The following INPP4B variants were observed in gnomAD, a reference collection of about 807,000 sequenced individuals.
INPP4B encodes inositol polyphosphate 4-phosphatase type II.
A neutral mutation model predicts 122.5 loss-of-function variants in INPP4B; 55 were observed. The observed-to-expected ratio is 0.45, with a 90% CI of 0.36 to 0.56. The LOEUF (loss-of-function observed/expected upper bound fraction) is 0.56, where lower values mean the gene tolerates loss of function less well. Among genes scored for constraint, INPP4B ranks in the 20% least tolerant of loss-of-function variants. The pLI is 0.00. For missense variants in INPP4B, 1,000 were observed against 1,097.7 expected (o/e 0.91, Z 1.26); for synonymous variants, 403 against 388.7 (o/e 1.04, Z -0.43).
intron 25 of INPP4B, among the ~76,000 whole-genome samples, chr4:142,053,991 G>A (rs1408194938): frequency 7.4e-6 from 1 of 134,410 alleles, no homozygotes; most frequent in Non-Finnish European, 1.7e-5. Flanking sequence ...GCAATTCTTA[G>A]GACACTGGGG....
rs558600603 is a variant in INPP4B at position 142,456,056 on chromosome 4, C to T, written c.-127+6607G>A. Among the ~76,000 whole-genome samples, 321 of 151,698 alleles carry T rather than the reference C, an allele frequency of 2.1e-3. 3 individuals carry two copies. Among genetic ancestry groups the T allele is most frequent in the Non-Finnish European group, 1.7e-3 (118 of 67,852 alleles). On this transcript the variant is annotated intron_variant, in intron 3 of 25. Coordinates refer to ENST00000262992, the MANE Select transcript of INPP4B (RefSeq NM_001101669.3). Reference sequence around the variant, plus strand: ...TCCTTATATATTCTGATTATTAACCCCTTGTCTGATGGGCAGTATGCAAAT... The same window carrying T: ...TCCTTATATATTCTGATTATTAACCTCTTGTCTGATGGGCAGTATGCAAAT...
chr4:142,660,226 C>T (rs190740743), intron 2 of INPP4B, among the ~76,000 whole-genome samples: 42 of 152,212 alleles, frequency 2.8e-4, no homozygotes, highest in African/African-American at 9.6e-4. Context: ...CTTTGCATGG[C>T]GAGACCTGCC....
chr4:142,072,586 A>G (rs921642900), intron 25 of INPP4B, among the ~76,000 whole-genome samples: 14 of 151,662 alleles, frequency 9.2e-5, no homozygotes, highest in Admixed American at 6.6e-5. Flanking sequence ...TGAGGACATA[A>G]CAACCATTTA....
intron 11 of INPP4B, among the ~76,000 whole-genome samples, chr4:142,241,001 A>C (rs1488660582): frequency 1.3e-5 from 2 of 152,026 alleles, no homozygotes; most frequent in Middle Eastern, 3.4e-3. Flanking sequence ...GTCAACTTTA[A>C]AAAAAAAGAT....
chr4:142,564,264 C>T (rs1000377442), intron 2 of INPP4B, among the ~76,000 whole-genome samples: 5 of 151,964 alleles, frequency 3.3e-5, no homozygotes, highest in African/African-American at 9.7e-5. Context: ...AGGCTTGGAG[C>T]AGAGAACACC....
At chr4:142,843,719 G>T (rs1049885024) in intron 1 of INPP4B, among the ~76,000 whole-genome samples, 1 of 151,956 alleles carries the variant, frequency 6.6e-6, no homozygotes, top group African/African-American at 2.4e-5. Context: ...GTTCTCAGAT[G>T]TCAAATACTT....
At chr4:142,509,723 A>G (rs185551791) in intron 2 of INPP4B, among the ~76,000 whole-genome samples, 15 of 152,360 alleles carry the variant, frequency 9.8e-5, no homozygotes, top group Non-Finnish European at 1.9e-4. Flanking sequence ...TTAAAGACTT[A>G]AATGTAAGGC....
chr4:142,646,415 C>T (rs1751788025), intron 2 of INPP4B, among the ~76,000 whole-genome samples: 1 of 152,032 alleles, frequency 6.6e-6, no homozygotes, highest in African/African-American at 2.4e-5. Context: ...CCAAAATCAG[C>T]ATAGTATCAG....
At chr4:142,619,781 A>AC (rs1213667541) in intron 2 of INPP4B, among the ~76,000 whole-genome samples, 2 of 151,908 alleles carry the variant, frequency 1.3e-5, no homozygotes, top group African/African-American at 4.8e-5. Flanking sequence ...CCACAGGAAT[A>AC]CCCCCCAAAA....
intron 9 of INPP4B, chr4:142,287,028 C>T (rs1754040516): frequency 1.3e-5 from 2 of 152,082 alleles, no homozygotes; most frequent in South Asian, 4.1e-4. Flanking sequence ...CTTTCTTAGG[C>T]TTCTTCTCAT....
At chr4:142,378,529 G>A (rs764599718) in intron 7 of INPP4B, among the ~76,000 whole-genome samples, 1 of 152,114 alleles carries the variant, frequency 6.6e-6, no homozygotes, top group Non-Finnish European at 1.5e-5. Flanking sequence ...TATTCCACAT[G>A]TATGCTAGGG....
upstream of INPP4B, chr4:142,846,419 G>T (rs945290609): frequency 6.6e-6 from 1 of 152,462 alleles, no homozygotes; most frequent in African/African-American, 2.4e-5. The surrounding 1 kb of genome is among the most constrained non-coding windows in gnomAD (Gnocchi z 5.1). Flanking sequence ...GCGGCTTCGC[G>T]AGGCTCCAGC....
intron 17 of INPP4B, among the ~76,000 whole-genome samples, chr4:142,147,829 T>C (rs1041543534): frequency 4.6e-5 from 7 of 152,136 alleles, no homozygotes; most frequent in African/African-American, 1.7e-4. Context: ...ATTGCATCCA[T>C]AGATCACATC....
chr4:142,419,756 T>A (rs1407937995), intron 5 of INPP4B, among the ~76,000 whole-genome samples: 1 of 152,144 alleles, frequency 6.6e-6, no homozygotes, highest in African/African-American at 2.4e-5. Flanking sequence ...CATGTCCCCA[T>A]GGCGTGGTCC....
intron 2 of INPP4B, among the ~76,000 whole-genome samples, chr4:142,699,094 T>A (rs1446777770): frequency 6.6e-6 from 1 of 152,130 alleles, no homozygotes; most frequent in Non-Finnish European, 1.5e-5. Context: ...GGGGTGGAAG[T>A]GGGAAGTGGT....
At chr4:142,290,445 A>G (rs985281857) in intron 9 of INPP4B, among the ~76,000 whole-genome samples, 6 of 151,612 alleles carry the variant, frequency 4.0e-5, no homozygotes, top group African/African-American at 9.7e-5. Context: ...TGACCTGGTG[A>G]TCGACCTGCC....
At chr4:142,094,132 T>G (rs1044062690) in intron 23 of INPP4B, among the ~76,000 whole-genome samples, 11 of 152,148 alleles carry the variant, frequency 7.2e-5, no homozygotes, top group Admixed American at 2.0e-4. Flanking sequence ...TAAAGATGAT[T>G]TGTTAAATGG....
At chr4:142,690,005 T>G (rs1334836454) in intron 2 of INPP4B, among the ~76,000 whole-genome samples, 2 of 152,184 alleles carry the variant, frequency 1.3e-5, no homozygotes, top group African/African-American at 4.8e-5. Flanking sequence ...TTTAATAATC[T>G]TTTCCATGAT....
intron 2 of INPP4B, among the ~76,000 whole-genome samples, chr4:142,688,745 A>G (rs931190911): frequency 2.0e-5 from 3 of 152,306 alleles, no homozygotes; most frequent in East Asian, 1.9e-4. Flanking sequence ...CAAATTCGCC[A>G]TAAGATTAGA....
Sources: gnomAD v4.1 joint callset for allele counts (sites outside exome capture counted in the v4.1 genomes callset) on GRCh38, gnomAD v4.1.1 for gene constraint, Gnocchi (gnomAD v3.1) non-coding constraint, MANE v1.5 for transcripts, NCBI Gene and HGNC (gene_info 2026-07-23, HGNC 2026-07-21) for gene names.